The following CSGALNACT1 variants were observed in gnomAD, a reference collection of about 807,000 sequenced individuals.
CSGALNACT1 encodes chondroitin sulfate N-acetylgalactosaminyltransferase 1, also known as beta4GalNAcT-1.
In CSGALNACT1, 52 loss-of-function variants were observed where a neutral mutation model predicts 51.0. The observed-to-expected ratio is 1.02, with a 90% CI of 0.82 to 1.29. The LOEUF is 1.29. Among genes scored for constraint, CSGALNACT1 ranks in the 50% most tolerant of loss-of-function variants. CSGALNACT1 has a pLI of 0.00. For missense variants in CSGALNACT1, 935 were observed against 679.2 expected (o/e 1.38, Z -4.19); for synonymous variants, 341 against 254.4 (o/e 1.34, Z -3.24).
At chr8:19,683,027 C>G (rs772353615), upstream of CSGALNACT1, 1 of 260,390 alleles carries the variant, frequency 3.8e-6, no homozygotes, top group South Asian at 4.3e-5. Context: ...TTTAAATGAC[C>G]CTGGAGACCG....
rs1300431288 is a variant in CSGALNACT1, at chr8:19,601,756, A to G, written c.-416+15T>C. The G allele has an allele frequency of 2.2e-6, 1 of 450,128 alleles. No homozygotes were observed. Among genetic ancestry groups the G allele is most frequent in the Non-Finnish European group, 4.4e-6 (1 of 225,390 alleles). 27.9% of individuals were successfully genotyped at this position (450,128 alleles called of 1,614,324 possible). On this transcript the variant is annotated intron_variant, in intron 2 of 9. Transcript: ENST00000454498. ...CATGCAAAGGTTTGTTTCTTGAGTG[A>G]AAATGCTCACTTACCTGGGGGTTCA...
intron 1 of CSGALNACT1, among the ~76,000 whole-genome samples, chr8:19,707,162 G>C (rs1369607728): frequency 6.6e-6 from 1 of 152,220 alleles, no homozygotes; most frequent in South Asian, 2.1e-4. Flanking sequence ...GTAGCATGGG[G>C]TGTAAACAGG....
At chr8:19,520,192 A>G (rs2975467) in intron 3 of CSGALNACT1, among the ~76,000 whole-genome samples, 72,555 of 152,120 alleles carry the variant, frequency 0.48, 20,031 homozygotes, top group African/African-American at 0.78. Context: ...GAACGGGACT[A>G]CAGAATGCAC....
At chr8:19,496,870 G>A (rs967383480) in intron 4 of CSGALNACT1, among the ~76,000 whole-genome samples, 1 of 152,152 alleles carries the variant, frequency 6.6e-6, no homozygotes, top group Non-Finnish European at 1.5e-5. Flanking sequence ...GAACCCCAAT[G>A]GGTGCTAATA....
At chr8:19,664,528 C>A (rs954277413) in intron 1 of CSGALNACT1, among the ~76,000 whole-genome samples, 3 of 152,106 alleles carry the variant, frequency 2.0e-5, no homozygotes, top group Admixed American at 2.0e-4. Flanking sequence ...AAGACACCTG[C>A]CCTCCTATGT....
At chr8:19,651,786 G>A (rs946847719) in intron 1 of CSGALNACT1, among the ~76,000 whole-genome samples, 3 of 152,184 alleles carry the variant, frequency 2.0e-5, no homozygotes, top group African/African-American at 7.2e-5. Context: ...ACTCAGTAAT[G>A]AGATTACTGG....
exon 4 of CSGALNACT1, chr8:19,505,358 C>T (rs866966767): frequency 1.9e-6 from 3 of 1,614,112 alleles, no homozygotes; most frequent in African/African-American, 1.3e-5. Context: ...GGCCAGTCTC[C>T]AGCTGGTACA....
chr8:19,407,115 C>T (rs2054369056), intron 9 of CSGALNACT1, among the ~76,000 whole-genome samples: 1 of 152,316 alleles, frequency 6.6e-6, no homozygotes, highest in East Asian at 1.9e-4. Context: ...TGTTGAGTGT[C>T]TGCAGGGCAC....
intron 1 of CSGALNACT1, among the ~76,000 whole-genome samples, chr8:19,755,621 G>A (rs192980493): frequency 6.6e-6 from 1 of 152,210 alleles, no homozygotes; most frequent in Non-Finnish European, 1.5e-5. Flanking sequence ...GCTAGGAAAG[G>A]GGAAGTAACT....
intron 4 of CSGALNACT1, among the ~76,000 whole-genome samples, chr8:19,499,353 T>G (rs963291566): frequency 2.0e-5 from 3 of 152,302 alleles, no homozygotes; most frequent in East Asian, 3.9e-4. Context: ...AAATAAGGAC[T>G]GAGCCTCACT....
chr8:19,660,931 GA>G (rs2058696311), intron 1 of CSGALNACT1, among the ~76,000 whole-genome samples: 1 of 152,050 alleles, frequency 6.6e-6, no homozygotes, highest in South Asian at 2.1e-4. Context: ...TTTGTTTTTT[GA>G]GGCAGAGTCT....
chr8:19,689,008 G>C (rs1411278437), intron 1 of CSGALNACT1: 1 of 152,214 alleles, frequency 6.6e-6, no homozygotes, highest in African/African-American at 2.4e-5. Flanking sequence ...CTTTCATTTA[G>C]AAGCCACAGT....
intron 2 of CSGALNACT1, among the ~76,000 whole-genome samples, chr8:19,593,748 C>G (rs2048321945): frequency 6.6e-6 from 1 of 152,180 alleles, no homozygotes; most frequent in Non-Finnish European, 1.5e-5. Flanking sequence ...TCATTCTGCC[C>G]AGAAAATTCC....
intron 1 of CSGALNACT1, among the ~76,000 whole-genome samples, chr8:19,721,647 AAC>A (rs1035234145): frequency 1.1e-4 from 16 of 152,222 alleles, no homozygotes; most frequent in African/African-American, 3.6e-4. Flanking sequence ...TTCCATGACA[AAC>A]ACAGAATTCT....
At chr8:19,640,079 G>A (rs1033535386) in intron 1 of CSGALNACT1, among the ~76,000 whole-genome samples, 2 of 151,764 alleles carry the variant, frequency 1.3e-5, no homozygotes, top group Non-Finnish European at 2.9e-5. Flanking sequence ...ACCTGCTGAT[G>A]AGACCTTTCA....
chr8:19,446,363 C>G (rs1003166169), intron 5 of CSGALNACT1, among the ~76,000 whole-genome samples: 3 of 152,052 alleles, frequency 2.0e-5, no homozygotes, highest in Non-Finnish European at 4.4e-5. Context: ...GTCTACGAAG[C>G]CTTTGCCATG....
At chr8:19,667,005 A>G (rs879799668) in intron 1 of CSGALNACT1, among the ~76,000 whole-genome samples, 3,961 of 36,086 alleles carry the variant, frequency 0.11, 642 homozygotes, top group Admixed American at 0.12. Flanking sequence ...GAAAGAAAGA[A>G]AGAAAGAAAG....
At chr8:19,750,275 A>G (rs559655183) in intron 1 of CSGALNACT1, among the ~76,000 whole-genome samples, 41 of 152,192 alleles carry the variant, frequency 2.7e-4, no homozygotes, top group Non-Finnish European at 5.3e-4. Context: ...GTAACAACAA[A>G]GGGTCACAGG....
At chr8:19,516,847 G>C (rs936366585) in intron 3 of CSGALNACT1, among the ~76,000 whole-genome samples, 11 of 152,202 alleles carry the variant, frequency 7.2e-5, no homozygotes, top group African/African-American at 2.7e-4. Flanking sequence ...TCTGGGGATC[G>C]AGGTGAACAC....
Sources: gnomAD v4.1 joint callset for allele counts (sites outside exome capture counted in the v4.1 genomes callset) on GRCh38, gnomAD v4.1.1 for gene constraint, MANE v1.5 for transcripts, NCBI Gene and HGNC (gene_info 2026-07-23, HGNC 2026-07-21) for gene names.